TMEM65: variants seen among roughly 807,000 people sequenced by gnomAD.
TMEM65 encodes the protein transmembrane protein 65.
In TMEM65, 22 loss-of-function variants were observed where a neutral mutation model predicts 25.4. That is an observed-to-expected ratio of 0.86 (90% confidence interval 0.62 to 1.23). TMEM65 has a LOEUF of 1.23. TMEM65 is among the 50% of genes most tolerant of loss of function. The pLI is 0.00. For synonymous variants in TMEM65, 132 were observed against 126.2 expected, an observed-to-expected ratio of 1.05 and a Z score of -0.31; for missense variants, 262 against 308.2, an observed-to-expected ratio of 0.85 and a Z score of 1.12.
chr8:124,365,217 T>C (rs1332232527), intron 1 of TMEM65, among the ~76,000 whole-genome samples: 1 of 152,192 alleles, frequency 6.6e-6, no homozygotes, highest in African/African-American at 2.4e-5. Flanking sequence ...TACTGATAAA[T>C]TAAACTATAC....
In TMEM65 at chr8:124,372,079, G is replaced by C. The variant is rs892784704; in HGVS notation, c.79C>G (p.Arg27Gly). Residue 27 changes from arginine to glycine, a missense_variant, in exon 1 of 7, where the codon CGC (arginine) becomes GGC (glycine). Coordinates refer to ENST00000297632, the MANE Select transcript of TMEM65 (RefSeq NM_194291.3). ...RPGPAAAAAP[R>G]PPSWCCCGRG... ...CCGCAGCAGCACCAGGACGGCGGGC[G>C]GGGCGCGGCGGCGGCGGCCGGGCCC... The C allele has an allele frequency of 8.9e-7, 1 of 1,129,778 alleles. No individual in the cohort carries two copies. Among genetic ancestry groups the C allele is most frequent in the Non-Finnish European group, 1.1e-6 (1 of 924,074 alleles). The allele number at this position is 1,129,778 out of a possible 1,614,324, so 70.0% of individuals were successfully genotyped here. A position where few individuals can be genotyped will look rare whatever the true frequency, so the allele number is the denominator to read the frequency against.
chr8:124,358,775 A>G (rs73333907), intron 1 of TMEM65, among the ~76,000 whole-genome samples: 6,423 of 152,232 alleles, frequency 0.042, 486 homozygotes, highest in African/African-American at 0.15. Flanking sequence ...CAGAAGTGCG[A>G]TCCAAAGTCG....
Position 124,358,910 on chromosome 8 carries a change from T to C in TMEM65, c.304+12944A>G, listed in dbSNP as rs1055296333. Reference sequence around the variant, plus strand: ...GATTCCAAAGCTCCATGGATGTATGTTTTGAGCTATCTGAGTTTGAGCAAT... The same window carrying C: ...GATTCCAAAGCTCCATGGATGTATGCTTTGAGCTATCTGAGTTTGAGCAAT... On this transcript the variant is annotated intron_variant, in intron 1 of 6. Transcript: ENST00000297632. Among the ~76,000 whole-genome samples the C allele has an allele frequency of 5.3e-5, 8 of 152,172 alleles. No individual in the cohort carries two copies. The South Asian group carries it at 8.3e-4, about 16-fold the overall frequency.
At chr8:124,367,532 G>A (rs1189913322) in intron 1 of TMEM65, among the ~76,000 whole-genome samples, 3 of 151,958 alleles carry the variant, frequency 2.0e-5, no homozygotes, top group Admixed American at 1.3e-4. Flanking sequence ...CTGAGCAATG[G>A]GCTGAAAAAA....
At chr8:124,365,684 T>C (rs1814928880) in intron 1 of TMEM65, among the ~76,000 whole-genome samples, 1 of 152,200 alleles carries the variant, frequency 6.6e-6, no homozygotes, top group Non-Finnish European at 1.5e-5. Flanking sequence ...AGGGTTCTTA[T>C]AATAGGGAGG....
intron 6 of TMEM65, among the ~76,000 whole-genome samples, chr8:124,318,824 T>C (rs1002169747): frequency 2.0e-5 from 3 of 152,204 alleles, no homozygotes; most frequent in Non-Finnish European, 4.4e-5. Flanking sequence ...TCCCATGGTT[T>C]GAACAATCAT....
chr8:124,363,092 T>C lies in TMEM65; in HGVS notation c.304+8762A>G, dbSNP rs371765218. The stretch of plus-strand genomic sequence containing the variant: ...AAGTGCGTTAAATCTTTGACAAATT[T>C]GATGCACTTCCAAAATCAAATTTCA... On this transcript the variant is annotated intron_variant, in intron 1 of 6. Coordinates refer to ENST00000297632, the MANE Select transcript of TMEM65 (RefSeq NM_194291.3). Among the ~76,000 whole-genome samples, 10 of 152,346 alleles carry C rather than the reference T, an allele frequency of 6.6e-5. No individual in the cohort carries two copies. In the East Asian group the frequency reaches 7.7e-4, roughly 12 times the overall value.
At chr8:124,336,426 G>A (rs939397413) in intron 1 of TMEM65, among the ~76,000 whole-genome samples, 1 of 151,794 alleles carries the variant, frequency 6.6e-6, no homozygotes, top group African/African-American at 2.4e-5. Flanking sequence ...AAGTGCAGAT[G>A]GCACATTCCT....
At chr8:124,347,976 T>C (rs1481463394) in intron 1 of TMEM65, among the ~76,000 whole-genome samples, 1 of 151,748 alleles carries the variant, frequency 6.6e-6, no homozygotes, top group African/African-American at 2.4e-5. Context: ...CCGCAACCTC[T>C]GCCTCCCAGG....
At chr8:124,343,483 C>T (rs1003841141) in intron 1 of TMEM65, among the ~76,000 whole-genome samples, 3 of 151,988 alleles carry the variant, frequency 2.0e-5, no homozygotes, top group Admixed American at 6.6e-5. Flanking sequence ...TGAAAAAGAC[C>T]TAGAATGACT....
intron 6 of TMEM65, among the ~76,000 whole-genome samples, chr8:124,314,758 C>G (rs558596318): frequency 6.6e-6 from 1 of 152,256 alleles, no homozygotes; most frequent in African/African-American, 2.4e-5. Flanking sequence ...CTCTTTGGCT[C>G]AAGCGAGCCT....
chr8:124,341,003 G>A (rs1814577825), intron 1 of TMEM65, among the ~76,000 whole-genome samples: 2 of 152,012 alleles, frequency 1.3e-5, no homozygotes, highest in Non-Finnish European at 2.9e-5. Flanking sequence ...CACATGGCTG[G>A]TGTGACAAAT....
At position 124,371,743 on chromosome 8, in the gene TMEM65, G is replaced by C. The variant is rs1051244590; in HGVS notation, c.304+111C>G. ...GCCAGACAGGCGAGGGGGGCGGAAG[G>C]GGGGCGGCGGCGGGGGTCCAAGATC... On this transcript the variant is annotated intron_variant, in intron 1 of 6. Transcript: ENST00000297632. 5 of 1,095,740 alleles carry C rather than the reference G, an allele frequency of 4.6e-6. No homozygotes were observed. In the South Asian group the frequency reaches 6.8e-5, roughly 15 times the overall value. The allele number at this position is 1,095,740 out of a possible 1,614,324, so 67.9% of individuals were successfully genotyped here.
intron 1 of TMEM65, among the ~76,000 whole-genome samples, chr8:124,342,722 T>C (rs1025266825): frequency 1.3e-5 from 2 of 152,122 alleles, no homozygotes; most frequent in African/African-American, 4.8e-5. Flanking sequence ...AGAGATAAAA[T>C]GATCCAAATT....
At chr8:124,361,554 C>G (rs1167323887) in intron 1 of TMEM65, among the ~76,000 whole-genome samples, 1 of 151,452 alleles carries the variant, frequency 6.6e-6, no homozygotes, top group African/African-American at 2.4e-5. Context: ...AGATTTTGGG[C>G]CGGGCACGGT....
At chr8:124,354,666 C>G (rs924285006) in intron 1 of TMEM65, among the ~76,000 whole-genome samples, 15 of 152,206 alleles carry the variant, frequency 9.9e-5, no homozygotes, top group African/African-American at 3.6e-4. Context: ...ATCTCCAAAA[C>G]TCCCTACGGT....
chr8:124,333,771 A>AG (rs748673075), intron 1 of TMEM65, among the ~76,000 whole-genome samples: 9 of 152,206 alleles, frequency 5.9e-5, no homozygotes, highest in Non-Finnish European at 1.3e-4. Context: ...ACACTAAGTG[A>AG]GTTAGTTACC....
chr8:124,327,409 T>C lies in TMEM65; in HGVS notation c.362A>G (p.Asn121Ser), dbSNP rs779352332. 14 of 1,595,728 alleles carry C rather than the reference T, an allele frequency of 8.8e-6. No individual in the cohort carries two copies. The highest frequency in any genetic ancestry group is 1.4e-5 in the African/African-American group (1 of 74,008). ...PGQLRYVFIHNAIPFIGFGFL... is the reference protein window; with the variant it reads ...PGQLRYVFIHSAIPFIGFGFL... ...GCCAAACCCTATGAAAGGTATCGCATTGTGGATGAATACTGAAAAACATCA... is the reference window on the plus strand; with the variant it reads ...GCCAAACCCTATGAAAGGTATCGCACTGTGGATGAATACTGAAAAACATCA... The change falls in exon 3 of 7, where the codon AAT becomes AGT. Residue 121 changes from asparagine to serine, a missense_variant. Physicochemically the swap from Asn to Ser is conservative, Grantham distance 46 (BLOSUM62 1). Coordinates refer to ENST00000297632, the MANE Select transcript of TMEM65 (RefSeq NM_194291.3).
rs1399037569 is a variant in TMEM65 at position 124,371,994 on chromosome 8, C to A, written c.164G>T (p.Gly55Val). ...CATGGGCTCCTTCTTGGGGTGCGTG[C>A]CCAGCCGCCTGGGGCCGCCCGGCAA... ...GGLPGGPRRL[G>V]THPKKEPMEA... Residue 55 changes from glycine to valine, a missense_variant, in exon 1 of 7, where the codon GGC (glycine) becomes GTC (valine). Gly to Val is a moderately radical substitution (Grantham distance 109, BLOSUM62 -3). Transcript: ENST00000297632. The A allele has an allele frequency of 7.1e-7, 1 of 1,402,164 alleles. No individual in the cohort carries two copies. Among genetic ancestry groups the A allele is most frequent in the Non-Finnish European group, 9.3e-7 (1 of 1,073,404 alleles). 86.9% of individuals were successfully genotyped at this position (1,402,164 alleles called of 1,614,324 possible).
Sources: allele counts gnomAD v4.1 joint callset (sites outside exome capture counted in the v4.1 genomes callset), GRCh38; gene constraint gnomAD v4.1.1; transcripts MANE v1.5; gene names NCBI Gene and HGNC (gene_info 2026-07-23, HGNC 2026-07-21).